The following MAF variants were observed in gnomAD, a reference collection of about 807,000 sequenced individuals.
The protein encoded by MAF is MAF bZIP transcription factor, also known as transcription factor Maf.
Under a neutral mutation model 22.0 loss-of-function variants are expected in MAF, and 10 were observed. That is an observed-to-expected ratio of 0.45 (90% CI 0.28 to 0.77). The LOEUF is 0.77. Ranked by LOEUF, MAF falls within the 30% of genes least tolerant of loss-of-function variation. MAF has a pLI of 0.12. For synonymous variants in MAF, 337 were observed against 255.8 expected, an observed-to-expected ratio of 1.32 and a Z score of -3.03; for missense variants, 544 against 548.4, an observed-to-expected ratio of 0.99 and a Z score of 0.08.
At chr16:79,422,082 G>C in the MAF span, among the ~76,000 whole-genome samples, 1 of 152,152 alleles carries the variant, frequency 6.6e-6, no homozygotes, top group Non-Finnish European at 1.5e-5. Context: ...CCAGCCTTGA[G>C]TAGTGAATTC....
At chr16:79,468,130 T>G in the MAF span, among the ~76,000 whole-genome samples, 1 of 152,238 alleles carries the variant, frequency 6.6e-6, no homozygotes, top group Non-Finnish European at 1.5e-5. Context: ...GGTGCCTGGG[T>G]TGGCTGAATT....
chr16:79,282,182 C>T, the MAF span, among the ~76,000 whole-genome samples: 2 of 152,040 alleles, frequency 1.3e-5, no homozygotes, highest in African/African-American at 2.4e-5. Flanking sequence ...CTAGAAATGC[C>T]AATTAGGAAG....
At chr16:79,393,730 T>C in the MAF span, among the ~76,000 whole-genome samples, 9 of 152,152 alleles carry the variant, frequency 5.9e-5, no homozygotes, top group Non-Finnish European at 8.8e-5. Flanking sequence ...CTCCTCTCTT[T>C]TCTGGGCCTC....
chr16:79,262,609 G>A, the MAF span, among the ~76,000 whole-genome samples: 2 of 152,172 alleles, frequency 1.3e-5, no homozygotes, highest in African/African-American at 4.8e-5. Context: ...GCATGGAAAT[G>A]AGAGAGGGGT....
chr16:79,474,154 T>G, the MAF span, among the ~76,000 whole-genome samples: 1 of 152,138 alleles, frequency 6.6e-6, no homozygotes, highest in Admixed American at 6.5e-5. Context: ...AGGGATAACC[T>G]AGAATTATTT....
At chr16:79,322,542 G>T in the MAF span, among the ~76,000 whole-genome samples, 1 of 152,176 alleles carries the variant, frequency 6.6e-6, no homozygotes, top group South Asian at 2.1e-4. Flanking sequence ...CCTCCTATGA[G>T]CCAGACATTG....
the MAF span, among the ~76,000 whole-genome samples, chr16:79,412,898 C>A: frequency 9.2e-3 from 1,404 of 152,302 alleles, 21 homozygotes; most frequent in African/African-American, 0.033. Context: ...AGAGTCAGCA[C>A]CTTGGGCTTC....
chr16:79,299,183 C>A, the MAF span, among the ~76,000 whole-genome samples: 1 of 152,156 alleles, frequency 6.6e-6, no homozygotes, highest in South Asian at 2.1e-4. Flanking sequence ...AATGGGCGAC[C>A]TTTGCCCTTT....
the MAF span, among the ~76,000 whole-genome samples, chr16:79,574,184 G>A: frequency 1.1e-3 from 168 of 152,310 alleles, no homozygotes; most frequent in African/African-American, 3.8e-3. Flanking sequence ...GCCCACTTTT[G>A]TGTGGTTTAA....
the MAF span, among the ~76,000 whole-genome samples, chr16:79,330,562 C>G: frequency 1.3e-5 from 2 of 152,256 alleles, no homozygotes; most frequent in East Asian, 1.9e-4. Context: ...TACTGGGCCA[C>G]CCACAGGGTG....
the MAF span, among the ~76,000 whole-genome samples, chr16:79,366,947 T>C: frequency 6.6e-6 from 1 of 152,334 alleles, no homozygotes; most frequent in East Asian, 1.9e-4. Flanking sequence ...GCTTGGTATA[T>C]AGCAAGTGCC....
the MAF span, among the ~76,000 whole-genome samples, chr16:79,547,496 C>A: frequency 1.3e-4 from 20 of 152,024 alleles, no homozygotes; most frequent in East Asian, 2.5e-3. Context: ...ACAGCCAACC[C>A]CTGACACACT....
chr16:79,563,762 CAA>C, the MAF span, among the ~76,000 whole-genome samples: 6 of 129,012 alleles, frequency 4.7e-5, no homozygotes, highest in African/African-American at 1.3e-4. Flanking sequence ...CACACACACA[CAA>C]ACACACACAC....
At chr16:79,411,068 A>G in the MAF span, among the ~76,000 whole-genome samples, 1 of 151,936 alleles carries the variant, frequency 6.6e-6, no homozygotes, top group Non-Finnish European at 1.5e-5. Context: ...TTCTGCAGAG[A>G]CTTCCTTTGA....
chr16:79,560,543 C>T, the MAF span, among the ~76,000 whole-genome samples: 1 of 152,104 alleles, frequency 6.6e-6, no homozygotes, highest in East Asian at 1.9e-4. Context: ...CTACTTCAAG[C>T]TAAAGGCATT....
chr16:79,594,751 C>T, intron 1 of MAF, 198 bp from the exon 2 acceptor site: 2 of 1,375,712 alleles, frequency 1.5e-6, no homozygotes, highest in Admixed American at 3.1e-5. Flanking sequence ...TCCCACTATA[C>T]TTCAAAGTTT....
At chr16:79,406,296 C>A in the MAF span, among the ~76,000 whole-genome samples, 1 of 152,224 alleles carries the variant, frequency 6.6e-6, no homozygotes, top group Non-Finnish European at 1.5e-5. Flanking sequence ...GGCACGTCCC[C>A]AAGGAGCATA....
chr16:79,273,191 C>T, the MAF span, among the ~76,000 whole-genome samples: 1 of 152,120 alleles, frequency 6.6e-6, no homozygotes, highest in African/African-American at 2.4e-5. Flanking sequence ...CTGCTTTCAA[C>T]CCCTAGGGAA....
At chr16:79,416,265 A>T in the MAF span, among the ~76,000 whole-genome samples, 1 of 152,086 alleles carries the variant, frequency 6.6e-6, no homozygotes, top group Non-Finnish European at 1.5e-5. Flanking sequence ...GTTCTTGGGG[A>T]TTGAGGGACC....
Sources: allele counts gnomAD v4.1 joint callset (sites outside exome capture counted in the v4.1 genomes callset), GRCh38; gene constraint gnomAD v4.1.1; transcripts MANE v1.5; gene names NCBI Gene and HGNC (gene_info 2026-07-23, HGNC 2026-07-21).